CNTNAP5: variants seen among roughly 807,000 people sequenced by gnomAD.
CNTNAP5 encodes the protein contactin associated protein family member 5.
Under a neutral mutation model 150.2 loss-of-function variants are expected in CNTNAP5, and 72 were observed. The observed-to-expected ratio is 0.48, with a 90% confidence interval of 0.40 to 0.58. The LOEUF (loss-of-function observed/expected upper bound fraction) is 0.58. Ranked by LOEUF, CNTNAP5 falls within the 20% of genes least tolerant of loss-of-function variation. The pLI, the probability that CNTNAP5 is intolerant of heterozygous loss-of-function variation, is 0.00. For synonymous variants in CNTNAP5, 672 were observed against 619.8 expected, an observed-to-expected ratio of 1.08 and a Z score of -1.25; for missense variants, 1,636 against 1,626.2, an observed-to-expected ratio of 1.01 and a Z score of -0.10.
chr2:124,072,372 C>T (rs972086696), intron 1 of CNTNAP5, among the ~76,000 whole-genome samples: 13 of 151,696 alleles, frequency 8.6e-5, no homozygotes, highest in Admixed American at 6.6e-5. Context: ...TACTGGTAGT[C>T]CTAGCTAGAA....
At chr2:124,558,995 A>G (rs1695825029) in intron 10 of CNTNAP5, among the ~76,000 whole-genome samples, 2 of 152,202 alleles carry the variant, frequency 1.3e-5, no homozygotes, top group African/African-American at 4.8e-5. Context: ...GGCTTTCTCC[A>G]TTGCTGTGCA....
At chr2:124,372,607 G>A (rs1401658860) in intron 3 of CNTNAP5, among the ~76,000 whole-genome samples, 2 of 152,080 alleles carry the variant, frequency 1.3e-5, no homozygotes, top group African/African-American at 2.4e-5. Context: ...GATGAAGCTG[G>A]ACCTATGGAT....
chr2:124,158,398 T>C (rs1684595537), intron 1 of CNTNAP5, among the ~76,000 whole-genome samples: 1 of 152,192 alleles, frequency 6.6e-6, no homozygotes, highest in South Asian at 2.1e-4. Context: ...ACGCACATCT[T>C]CCCCTTTTCT....
At chr2:124,451,077 T>TACACACAC (rs1553469346) in intron 6 of CNTNAP5, among the ~76,000 whole-genome samples, 15 of 61,506 alleles carry the variant, frequency 2.4e-4, no homozygotes, top group African/African-American at 6.5e-4. Context: ...TATATATATA[T>TACACACAC]ACACACACAC....
At chr2:124,488,477 G>A (rs774636744) in intron 7 of CNTNAP5, among the ~76,000 whole-genome samples, 6 of 152,148 alleles carry the variant, frequency 3.9e-5, no homozygotes, top group Admixed American at 6.5e-5. Flanking sequence ...TCCATTAGTG[G>A]CCTTTCTAAT....
intron 13 of CNTNAP5, among the ~76,000 whole-genome samples, chr2:124,726,926 A>G (rs1680168569): frequency 6.6e-6 from 1 of 152,032 alleles, no homozygotes; most frequent in Non-Finnish European, 1.5e-5. Context: ...AACATCATGA[A>G]GATTTTATCC....
chr2:124,456,876 A>C (rs1010237145), intron 6 of CNTNAP5, among the ~76,000 whole-genome samples: 1 of 152,214 alleles, frequency 6.6e-6, no homozygotes, highest in Non-Finnish European at 1.5e-5. Flanking sequence ...AGGAGAATGA[A>C]ACTAGATCCT....
At chr2:124,609,763 C>T in intron 11 of CNTNAP5, 38 bp from the exon 12 acceptor site, 2 of 1,605,332 alleles carry the variant, frequency 1.2e-6, no homozygotes, top group Non-Finnish European at 1.7e-6. Flanking sequence ...TATGCAGAGC[C>T]AAGCAAAGTT....
At chr2:124,911,953 A>G (rs369335986) in intron 23 of CNTNAP5, among the ~76,000 whole-genome samples, 1 of 152,076 alleles carries the variant, frequency 6.6e-6, no homozygotes, top group Non-Finnish European at 1.5e-5. Flanking sequence ...TTCCCCACCA[A>G]GTGATTTGGG....
chr2:124,176,392 A>C (rs1685064331), intron 1 of CNTNAP5, among the ~76,000 whole-genome samples: 2 of 152,172 alleles, frequency 1.3e-5, no homozygotes, highest in Non-Finnish European at 2.9e-5. Flanking sequence ...TCCTCCTTCT[A>C]AGGGTCTTGT....
At chr2:124,385,659 T>C (rs1181573777) in intron 3 of CNTNAP5, among the ~76,000 whole-genome samples, 2 of 152,208 alleles carry the variant, frequency 1.3e-5, no homozygotes, top group African/African-American at 4.8e-5. Context: ...AAGTAGTAAG[T>C]AAGTGGCAGA....
At chr2:124,215,251 T>C (rs1418049103) in intron 1 of CNTNAP5, among the ~76,000 whole-genome samples, 1 of 152,152 alleles carries the variant, frequency 6.6e-6, no homozygotes, top group African/African-American at 2.4e-5. Flanking sequence ...ATACAGACAA[T>C]TTACCGTGGT....
chr2:124,720,088 C>T (rs538483106), intron 13 of CNTNAP5, among the ~76,000 whole-genome samples: 59 of 152,268 alleles, frequency 3.9e-4, no homozygotes, highest in African/African-American at 1.3e-3. Context: ...CTCTGAGCTC[C>T]AGGACAGTTT....
At chr2:124,190,152 G>T (rs1022394410) in intron 1 of CNTNAP5, among the ~76,000 whole-genome samples, 1 of 152,116 alleles carries the variant, frequency 6.6e-6, no homozygotes, top group Non-Finnish European at 1.5e-5. Flanking sequence ...ACTCTTAAGG[G>T]TGAGCTTCAT....
At chr2:124,565,952 C>CT (rs111873270) in intron 11 of CNTNAP5, among the ~76,000 whole-genome samples, 80,942 of 144,072 alleles carry the variant, frequency 0.56, 23,434 homozygotes, top group Non-Finnish European at 0.63. Context: ...TTGAGGGATC[C>CT]TTTTTTTTTT....
At chr2:124,394,760 A>C (rs1691204644) in intron 3 of CNTNAP5, among the ~76,000 whole-genome samples, 1 of 152,168 alleles carries the variant, frequency 6.6e-6, no homozygotes. Context: ...ATTGTGGTGG[A>C]GACAATATTG....
chr2:124,262,319 T>C (rs1239306044), intron 3 of CNTNAP5, among the ~76,000 whole-genome samples: 3 of 152,220 alleles, frequency 2.0e-5, no homozygotes, highest in East Asian at 1.9e-4. Context: ...AAAAGTATGA[T>C]ATGAATCAAT....
chr2:124,805,096 G>T (rs577691306), intron 19 of CNTNAP5, among the ~76,000 whole-genome samples: 2 of 152,248 alleles, frequency 1.3e-5, no homozygotes, highest in Middle Eastern at 3.4e-3. Flanking sequence ...GCAGTGCGTA[G>T]AGGCAGAACA....
At chr2:124,286,567 T>A (rs1688157258) in intron 3 of CNTNAP5, among the ~76,000 whole-genome samples, 1 of 152,144 alleles carries the variant, frequency 6.6e-6, no homozygotes, top group South Asian at 2.1e-4. Context: ...AACACAAACC[T>A]CCTGGGGATG....
Sources: gnomAD v4.1 joint callset for allele counts (sites outside exome capture counted in the v4.1 genomes callset) on GRCh38, gnomAD v4.1.1 for gene constraint, MANE v1.5 for transcripts, NCBI Gene and HGNC (gene_info 2026-07-23, HGNC 2026-07-21) for gene names.